The following GPC3 variants were observed in gnomAD, a reference collection of about 807,000 sequenced individuals.
The protein encoded by GPC3 is glypican 3.
In GPC3, 3 loss-of-function variants were observed where a neutral mutation model predicts 34.4. That is an observed-to-expected ratio of 0.09 (90% CI 0.04 to 0.23). The LOEUF is 0.23. Among genes scored for constraint, GPC3 ranks in the 10% least tolerant of loss-of-function variants. The probability of loss-of-function intolerance (pLI) is 1.00; values close to 1 mark genes in which losing one functional copy is unlikely to be tolerated. For missense variants in GPC3, 351 were observed against 445.6 expected, an observed-to-expected ratio of 0.79 and a Z score of 1.91; for synonymous variants, 177 against 174.0, an observed-to-expected ratio of 1.02 and a Z score of -0.13.
At chrX:133,922,054 C>G (rs1196682387) in intron 2 of GPC3, among the ~76,000 whole-genome samples, 1 of 112,603 alleles carries the variant, frequency 8.9e-6, no homozygotes, top group Non-Finnish European at 1.9e-5. Context: ...CCATCTGGAA[C>G]AGGAACTTTA....
chrX:133,854,629 T>C (rs1003856), intron 2 of GPC3, among the ~76,000 whole-genome samples: 45,763 of 111,062 alleles, frequency 0.41, 9,445 homozygotes, highest in African/African-American at 0.82. Flanking sequence ...GCATTCAGTA[T>C]GCGTTGAAAG....
intron 2 of GPC3, among the ~76,000 whole-genome samples, chrX:133,793,004 G>C (rs2072203787): frequency 9.1e-6 from 1 of 110,127 alleles, no homozygotes; most frequent in Admixed American, 9.7e-5. Context: ...TCTTTAACTA[G>C]AGTAATGTAA....
intron 7 of GPC3, among the ~76,000 whole-genome samples, chrX:133,538,039 C>G (rs1443895983): frequency 1.8e-5 from 2 of 111,586 alleles, no homozygotes; most frequent in Non-Finnish European, 3.8e-5. Context: ...GTTTTTCTTC[C>G]TGAGTACTCG....
intron 2 of GPC3, among the ~76,000 whole-genome samples, chrX:133,940,621 A>C (rs2076341503): frequency 8.9e-6 from 1 of 111,897 alleles, no homozygotes; most frequent in Non-Finnish European, 1.9e-5. Context: ...GTCTAACCTC[A>C]CCAACCTTCC....
chrX:133,930,243 T>C (rs999872642), intron 2 of GPC3, among the ~76,000 whole-genome samples: 3 of 111,905 alleles, frequency 2.7e-5, no homozygotes, highest in African/African-American at 9.7e-5. Context: ...CCAGGGACAT[T>C]TGACAACATT....
chrX:133,804,922 A>G (rs1241687409), intron 2 of GPC3, among the ~76,000 whole-genome samples: 2 of 111,829 alleles, frequency 1.8e-5, no homozygotes, highest in Non-Finnish European at 3.8e-5. Flanking sequence ...GGTATACTAT[A>G]TTATATCTGT....
intron 5 of GPC3, among the ~76,000 whole-genome samples, chrX:133,680,009 G>A (rs754551990): frequency 1.8e-5 from 2 of 111,720 alleles, no homozygotes; most frequent in Admixed American, 1.9e-4. Flanking sequence ...ACATGTAAAA[G>A]CTCTCAATAT....
chrX:133,902,845 T>C (rs1011266909), intron 2 of GPC3, among the ~76,000 whole-genome samples: 1 of 108,865 alleles, frequency 9.2e-6, no homozygotes, highest in African/African-American at 3.7e-5. Context: ...GCATTTTCTA[T>C]CTGTATACTA....
chrX:133,743,952 C>T lies in GPC3; in HGVS notation c.1032+9530G>A, dbSNP rs2071587486. On this transcript the variant is annotated intron_variant, in intron 3 of 7. Transcript: ENST00000370818. ...TAATAAATGGTGTTCGGAAAACTGGCTAGCCATATGTAGAAAACTGAAACT... is the reference window on the plus strand; with the variant it reads ...TAATAAATGGTGTTCGGAAAACTGGTTAGCCATATGTAGAAAACTGAAACT... Among the ~76,000 whole-genome samples the T allele has an allele frequency of 2.7e-5, 3 of 111,753 alleles. No homozygotes were observed. In the Admixed American group the frequency reaches 2.9e-4, roughly 11 times the overall value.
At chrX:133,583,516 C>T (rs1405551141) in intron 7 of GPC3, among the ~76,000 whole-genome samples, 1 of 111,349 alleles carries the variant, frequency 9.0e-6, no homozygotes, top group Non-Finnish European at 1.9e-5. Flanking sequence ...AGGTGTGTGC[C>T]ACCATGCCTG....
intron 2 of GPC3, among the ~76,000 whole-genome samples, chrX:133,792,118 A>T (rs983717952): frequency 9.2e-6 from 1 of 109,144 alleles, no homozygotes; most frequent in Admixed American, 9.8e-5. Flanking sequence ...GCCTCAAGGG[A>T]TTCACTCACC....
rs180874996 is a variant in GPC3 at position 133,630,469 on chromosome X, T to C, written c.1413+31261A>G. The stretch of plus-strand genomic sequence containing the variant: ...TGACCTGAATTCTGTCCATCCAGAG[T>C]TTCCAGTACAGCATTAAAGTTCTTG... On this transcript the variant is annotated intron_variant, in intron 6 of 7. Transcript: ENST00000370818. 1.8e-3 allele frequency among the ~76,000 whole-genome samples: 200 copies of C among 112,067 alleles called. 1 individual carries two copies. The highest frequency in any genetic ancestry group is 6.2e-3 in the African/African-American group (192 of 30,881).
intron 2 of GPC3, among the ~76,000 whole-genome samples, chrX:133,762,004 C>T (rs955004589): frequency 8.9e-6 from 1 of 112,044 alleles, no homozygotes; most frequent in Non-Finnish European, 1.9e-5. Context: ...ATTTCAGTTG[C>T]ATTGCATCTT....
intron 6 of GPC3, among the ~76,000 whole-genome samples, chrX:133,654,798 T>C (rs763763137): frequency 8.0e-5 from 9 of 112,135 alleles, no homozygotes; most frequent in African/African-American, 1.6e-4. Flanking sequence ...ATGAATTTCA[T>C]AGAAAATTTA....
intron 7 of GPC3, among the ~76,000 whole-genome samples, chrX:133,553,898 C>T (rs1160815953): frequency 8.9e-6 from 1 of 111,770 alleles, no homozygotes; most frequent in Non-Finnish European, 1.9e-5. Context: ...TTCATTAGCC[C>T]AATAAGATCC....
chrX:133,664,810 CAA>C (rs1289642836), intron 5 of GPC3, among the ~76,000 whole-genome samples: 9 of 68,664 alleles, frequency 1.3e-4, no homozygotes, highest in Non-Finnish European at 5.9e-5. Context: ...CCGAACCACT[CAA>C]AAAAAAAAAA....
chrX:133,814,809 C>A (rs2075681976), intron 2 of GPC3, among the ~76,000 whole-genome samples: 1 of 111,047 alleles, frequency 9.0e-6, no homozygotes, highest in Non-Finnish European at 1.9e-5. Flanking sequence ...CTCAGGTGAT[C>A]CACCTGCCTC....
At position 133,536,026 on chromosome X, in the gene GPC3, C is replaced by CA. The variant is rs373139333; in HGVS notation, c.*97dup. Reference sequence around the variant, plus strand: ...TGGCTGGAGGAGGTATACAGGATAACAAAAAAAAAAAAATAGAAAAAAATA... The same window carrying CA: ...TGGCTGGAGGAGGTATACAGGATAACAAAAAAAAAAAAAATAGAAAAAAATA... On this transcript the variant is annotated 3_prime_UTR_variant, in exon 8 of 8. Transcript: ENST00000370818. 0.049 allele frequency: 23,616 copies of CA among 482,172 alleles called. 28 individuals carry two copies. The highest frequency in any genetic ancestry group is 0.058 in the Middle Eastern group (85 of 1,462). The allele number at this position is 482,172 out of a possible 1,213,427, so 39.7% of individuals were successfully genotyped here. A position where few individuals can be genotyped will look rare whatever the true frequency, so the allele number is the denominator to read the frequency against.
chrX:133,574,746 A>G, intron 7 of GPC3, among the ~76,000 whole-genome samples: 1 of 112,295 alleles, frequency 8.9e-6, no homozygotes, highest in Non-Finnish European at 1.9e-5. Flanking sequence ...GACCAAATGA[A>G]TTTAGTCATA....
Sources: gnomAD v4.1 joint callset for allele counts (sites outside exome capture counted in the v4.1 genomes callset) on GRCh38, gnomAD v4.1.1 for gene constraint, MANE v1.5 for transcripts, NCBI Gene and HGNC (gene_info 2026-07-23, HGNC 2026-07-21) for gene names.